KDM2A: variants seen among roughly 807,000 people sequenced by gnomAD.
The protein encoded by KDM2A is lysine-specific demethylase 2A.
A neutral mutation model predicts 137.3 loss-of-function variants in KDM2A; 3 were observed. The observed-to-expected ratio is 0.02, with a 90% CI of 0.01 to 0.06. The LOEUF (loss-of-function observed/expected upper bound fraction) is 0.06. Ranked by LOEUF, KDM2A falls within the 10% of genes least tolerant of loss-of-function variation. The pLI is 1.00. For missense variants in KDM2A, 738 were observed against 1,510.6 expected, an observed-to-expected ratio of 0.49 and a Z score of 8.48; for synonymous variants, 512 against 541.5, an observed-to-expected ratio of 0.95 and a Z score of 0.76.
At chr11:67,147,548 A>G (rs1856281346) in intron 2 of KDM2A, among the ~76,000 whole-genome samples, 1 of 151,866 alleles carries the variant, frequency 6.6e-6, no homozygotes, top group Admixed American at 6.6e-5. Flanking sequence ...TCTTAAAAAA[A>G]AAAAAAAGAT....
chr11:67,136,130 A>G (rs1223829049), intron 2 of KDM2A, among the ~76,000 whole-genome samples: 1 of 152,222 alleles, frequency 6.6e-6, no homozygotes, highest in Non-Finnish European at 1.5e-5. Context: ...CATGGATAAT[A>G]GCACACATTG....
intron 6 of KDM2A, among the ~76,000 whole-genome samples, chr11:67,208,491 C>T (rs957290196): frequency 6.6e-6 from 1 of 151,970 alleles, no homozygotes; most frequent in Admixed American, 6.6e-5. Context: ...AACCTTGGGG[C>T]CAGGCGCAGT....
intron 2 of KDM2A, among the ~76,000 whole-genome samples, chr11:67,148,494 T>A (rs369135143): frequency 2.0e-4 from 31 of 152,140 alleles, no homozygotes; most frequent in African/African-American, 6.7e-4. Flanking sequence ...CATATCTTTT[T>A]TCCCCCATCA....
chr11:67,169,272 A>G (rs533699353), intron 2 of KDM2A, among the ~76,000 whole-genome samples: 2 of 151,892 alleles, frequency 1.3e-5, no homozygotes, highest in South Asian at 2.1e-4. Context: ...GTAGCTTTAT[A>G]TAACTTTACA....
intron 6 of KDM2A, among the ~76,000 whole-genome samples, chr11:67,208,644 G>C (rs964802664): frequency 6.6e-6 from 1 of 151,588 alleles, no homozygotes; most frequent in Admixed American, 6.6e-5. Flanking sequence ...GGTTGCATGC[G>C]CCTGTAATTC....
intron 15 of KDM2A, among the ~76,000 whole-genome samples, chr11:67,247,962 G>A (rs964142698): frequency 6.6e-6 from 1 of 152,114 alleles, no homozygotes; most frequent in South Asian, 2.1e-4. Flanking sequence ...TTGTATCTCT[G>A]GCAATTATAT....
chr11:67,176,986 G>A (rs866776626), intron 2 of KDM2A, among the ~76,000 whole-genome samples: 4 of 151,804 alleles, frequency 2.6e-5, no homozygotes, highest in African/African-American at 7.3e-5. Context: ...GGCTGGGCAC[G>A]GTGGCTCACG....
rs1232032028 is a variant in KDM2A, at chr11:67,166,397, G to A, written c.43-13682G>A. Among the ~76,000 whole-genome samples, 81 of 151,976 alleles carry A rather than the reference G, an allele frequency of 5.3e-4. 1 individual carries two copies. The Middle Eastern group carries it at 0.014, about 26-fold the overall frequency. The stretch of plus-strand genomic sequence containing the variant: ...GACAGGATTTTGTCAGGTTGGCCAG[G>A]CTGGTCTCGAACTCCTGACCTCAAG... On this transcript the variant is annotated intron_variant, in intron 2 of 20. Transcript: ENST00000529006.
At chr11:67,130,640 G>A (rs1855833254) in intron 2 of KDM2A, among the ~76,000 whole-genome samples, 2 of 151,890 alleles carry the variant, frequency 1.3e-5, no homozygotes, top group Admixed American at 1.3e-4. Context: ...TTTCTATTTT[G>A]GGGGGGTAAC....
chr11:67,251,982 G>T (rs1009219020), intron 17 of KDM2A, among the ~76,000 whole-genome samples: 4 of 152,150 alleles, frequency 2.6e-5, no homozygotes, highest in African/African-American at 7.2e-5. Flanking sequence ...CAACCAGGCT[G>T]GGGGGCAGGG....
At position 67,121,372 on chromosome 11, in the gene KDM2A, C is replaced by A. The variant is rs1565366182; in HGVS notation, c.42+14C>A. On this transcript the variant is annotated intron_variant, in intron 2 of 20. Coordinates refer to ENST00000529006, the MANE Select transcript of KDM2A (RefSeq NM_012308.3). ...AGCCAGAGATTGGTTAGTATTTTCT[C>A]CCCCCACCACACCCTCCAGTTTTAA... 3.1e-6 allele frequency: 5 copies of A among 1,609,332 alleles called. No individual in the cohort carries two copies. Among genetic ancestry groups the A allele is most frequent in the Admixed American group, 1.7e-5 (1 of 59,938 alleles).
chr11:67,169,733 TTCTCTCTCTCTC>T lies in KDM2A; in HGVS notation c.43-10330_43-10319del, dbSNP rs71056181. Among the ~76,000 whole-genome samples, 633 of 92,670 alleles carry T rather than the reference TTCTCTCTCTCTC, an allele frequency of 6.8e-3. 11 individuals are homozygous for T. Among genetic ancestry groups the T allele is most frequent in the African/African-American group, 0.021 (593 of 28,862 alleles). The allele number at this position is 92,670 out of a possible 152,430, so 60.8% of individuals were successfully genotyped here. On this transcript the variant is annotated intron_variant, in intron 2 of 20. Transcript: ENST00000529006. ...TTTTTTCTTCTCTCTCTCTCTCTCC[TTCTCTCTCTCTC>T]TCTCTCTCTCTCTCTTTTTTTTTTT...
chr11:67,241,994 G>T (rs1390727971), intron 12 of KDM2A, among the ~76,000 whole-genome samples: 1 of 152,134 alleles, frequency 6.6e-6, no homozygotes, highest in African/African-American at 2.4e-5. Context: ...GCTTGAACAC[G>T]GGAGGCGAGG....
At chr11:67,184,097 CAAA>C (rs34270166) in intron 5 of KDM2A, among the ~76,000 whole-genome samples, 13 of 66,162 alleles carry the variant, frequency 2.0e-4, no homozygotes, top group Admixed American at 1.8e-4. Context: ...GACCCTGTCT[CAAA>C]AAAAAAAAAA....
At chr11:67,194,603 G>T (rs1857435748) in intron 5 of KDM2A, among the ~76,000 whole-genome samples, 1 of 152,150 alleles carries the variant, frequency 6.6e-6, no homozygotes, top group South Asian at 2.1e-4. Flanking sequence ...CATTACATAG[G>T]CACCCAATAC....
At chr11:67,180,000 A>T in intron 2 of KDM2A, 79 bp from the exon 3 acceptor site, 1 of 1,435,430 alleles carries the variant, frequency 7.0e-7, no homozygotes, top group Non-Finnish European at 9.5e-7. Flanking sequence ...CACTTTGCAC[A>T]TGTAGGGAAA....
chr11:67,215,272 G>C (rs1858127373), intron 6 of KDM2A, 68 bp from the exon 7 acceptor site: 3 of 961,850 alleles, frequency 3.1e-6, no homozygotes, highest in Non-Finnish European at 4.7e-6. Flanking sequence ...TGCTTTTCTT[G>C]ACTTTAAAAT....
chr11:67,164,112 A>G (rs1056202939), intron 2 of KDM2A, among the ~76,000 whole-genome samples: 2 of 152,186 alleles, frequency 1.3e-5, no homozygotes, highest in Admixed American at 6.6e-5. Flanking sequence ...TCATTTAAAC[A>G]TCACAGCCAT....
At chr11:67,174,591 G>T (rs1338905778) in intron 2 of KDM2A, among the ~76,000 whole-genome samples, 2 of 152,030 alleles carry the variant, frequency 1.3e-5, no homozygotes, top group Non-Finnish European at 2.9e-5. Context: ...TAATACTCCT[G>T]CAGTTTGACT....
Sources: gnomAD v4.1 joint callset for allele counts (sites outside exome capture counted in the v4.1 genomes callset) on GRCh38, gnomAD v4.1.1 for gene constraint, MANE v1.5 for transcripts, NCBI Gene and HGNC (gene_info 2026-07-23, HGNC 2026-07-21) for gene names.